The following HHIPL1 variants were observed in gnomAD, a reference collection of about 807,000 sequenced individuals.
HHIPL1 encodes HHIP-like protein 1.
In HHIPL1, 43 loss-of-function variants were observed where a neutral mutation model predicts 61.8. That is an observed-to-expected ratio of 0.70 (90% CI 0.55 to 0.90). The LOEUF (loss-of-function observed/expected upper bound fraction) is 0.90. Ranked by LOEUF, HHIPL1 falls within the 40% of genes least tolerant of loss-of-function variation. HHIPL1 has a pLI of 0.00. For synonymous variants in HHIPL1, 482 were observed against 515.8 expected (o/e 0.93, Z 0.89); for missense variants, 1,056 against 1,157.7 (o/e 0.91, Z 1.28).
chr14:99,668,263 G>A lies in HHIPL1; in HGVS notation c.1690G>A (p.Ala564Thr), dbSNP rs1253486233. The A allele has an allele frequency of 6.2e-7, 1 of 1,612,516 alleles. No individual in the cohort carries two copies. The highest frequency in any genetic ancestry group is 8.5e-7 in the Non-Finnish European group (1 of 1,178,688). The change falls in exon 7 of 9, where the codon GCT (alanine) becomes ACT (threonine). Residue 564 changes from alanine to threonine, a missense_variant. Coordinates refer to ENST00000330710, the MANE Select transcript of HHIPL1 (RefSeq NM_001127258.3). This position sits in a 1 kb window ranked among gnomAD's most constrained non-coding sequence, Gnocchi z 4.7. ...GTCGACAGGGGAGCCGAGTGCCACA[G>A]CTCCACGCGGAGTTGTCTACAAAAT... ...FMSTGEPSAT[A>T]PRGVVYKIID...
chr14:99,631,200 G>A, the HHIPL1 span, among the ~76,000 whole-genome samples: 1 of 150,668 alleles, frequency 6.6e-6, no homozygotes, highest in Admixed American at 6.6e-5. Flanking sequence ...TGGATTCAAG[G>A]AATTCTCCTA....
At position 99,668,289 on chromosome 14, in the gene HHIPL1, A is replaced by G; in HGVS notation, c.1716A>G (p.Ile572Met). ...CTCCACGCGGAGTTGTCTACAAAAT[A>G]ATTGACGCATCCAGGTGAGTCCCAG... ...ATAPRGVVYK[I>M]IDASRRAPPG... Residue 572 changes from isoleucine to methionine, a missense_variant, in exon 7 of 9, where the codon ATA becomes ATG. Physicochemically the swap from Ile to Met is conservative, Grantham distance 10. Coordinates refer to ENST00000330710, the MANE Select transcript of HHIPL1 (RefSeq NM_001127258.3). The surrounding 1 kb of genome is among the most constrained non-coding windows in gnomAD (Gnocchi z 4.7). 6.2e-7 allele frequency: 1 copy of G among 1,609,234 alleles called. No individual in the cohort carries two copies. Among genetic ancestry groups the G allele is most frequent in the Non-Finnish European group, 8.5e-7 (1 of 1,175,710 alleles).
rs189930668 is a variant in HHIPL1, at chr14:99,656,317, T to A, written c.903-683T>A. On this transcript the variant is annotated intron_variant, in intron 2 of 8. Transcript: ENST00000330710. The stretch of plus-strand genomic sequence containing the variant: ...AAACACTAGGCCAGAACGAGAAGAC[T>A]TGAGTTCTAATCCCAGCTCTGCTAC... 3.3e-5 allele frequency among the ~76,000 whole-genome samples: 5 copies of A among 152,218 alleles called. No individual in the cohort carries two copies. The East Asian group carries it at 7.7e-4, about 24-fold the overall frequency.
the HHIPL1 span, among the ~76,000 whole-genome samples, chr14:99,637,242 AAG>A: frequency 1.4e-5 from 2 of 147,908 alleles, no homozygotes; most frequent in South Asian, 2.1e-4. Flanking sequence ...GAAAGAAAGA[AAG>A]AAAGAAAGAA....
rs1208978380 is a variant in HHIPL1 at position 99,675,385 on chromosome 14, C to T, written c.2108C>T (p.Ser703Phe). 2 of 1,524,442 alleles carry T rather than the reference C, an allele frequency of 1.3e-6. No homozygotes were observed. The highest frequency in any genetic ancestry group is 8.8e-7 in the Non-Finnish European group (1 of 1,139,106). The allele number at this position is 1,524,442 out of a possible 1,614,324, so 94.4% of individuals were successfully genotyped here. A position where few individuals can be genotyped will look rare whatever the true frequency, so the allele number is the denominator to read the frequency against. The change falls in exon 9 of 9, where the codon TCC becomes TTC. Residue 703 changes from serine to phenylalanine, a missense_variant. Coordinates refer to ENST00000330710, the MANE Select transcript of HHIPL1 (RefSeq NM_001127258.3). The surrounding 1 kb of genome is among the most constrained non-coding windows in gnomAD (Gnocchi z 5.4). ...CGCTGGGGCACCGTGTGCGACGACT[C>T]CTGGAACATCAGCGGCGCCGCCGTC... is the stretch of plus-strand genomic sequence containing the variant. ...GGRWGTVCDDSWNISGAAVVC... is the reference protein window; with the variant it reads ...GGRWGTVCDDFWNISGAAVVC...
the HHIPL1 span, among the ~76,000 whole-genome samples, chr14:99,614,942 G>A: frequency 6.6e-6 from 1 of 152,080 alleles, no homozygotes; most frequent in African/African-American, 2.4e-5. Flanking sequence ...CATAAAAAGG[G>A]CCAGAAGAGA....
At chr14:99,634,547 G>A in the HHIPL1 span, among the ~76,000 whole-genome samples, 2 of 152,228 alleles carry the variant, frequency 1.3e-5, no homozygotes, top group South Asian at 4.1e-4. Flanking sequence ...ACCCTAAGCA[G>A]CCCCAGCTCC....
At chr14:99,673,792 GT>G (rs2056353971) in intron 8 of HHIPL1, among the ~76,000 whole-genome samples, 1 of 72,708 alleles carries the variant, frequency 1.4e-5, no homozygotes, top group Non-Finnish European at 2.9e-5. Context: ...ATTAAGGGGG[GT>G]GGCATGGAGG....
chr14:99,644,993 T>C, upstream of HHIPL1: 1 of 401,966 alleles, frequency 2.5e-6, no homozygotes, highest in Non-Finnish European at 4.3e-6. Context: ...GGAAAGCGGT[T>C]AAAAGAGGTC....
upstream of HHIPL1, among the ~76,000 whole-genome samples, chr14:99,644,029 C>T (rs1050765771): frequency 1.5e-4 from 23 of 152,182 alleles, no homozygotes; most frequent in Non-Finnish European, 2.4e-4. Flanking sequence ...TTAAATTCCC[C>T]GTGTTTCAAA....
chr14:99,608,554 G>A, the HHIPL1 span, among the ~76,000 whole-genome samples: 4 of 152,200 alleles, frequency 2.6e-5, no homozygotes, highest in African/African-American at 9.7e-5. Context: ...AAAGTGTTTG[G>A]TGGTAGCTGA....
At chr14:99,623,162 C>T in the HHIPL1 span, among the ~76,000 whole-genome samples, 2 of 152,228 alleles carry the variant, frequency 1.3e-5, no homozygotes, top group Non-Finnish European at 2.9e-5. Context: ...CTAAGTTCCC[C>T]ACAGCCCTGC....
At chr14:99,674,994 G>A in intron 8 of HHIPL1, 97 bp from the exon 9 acceptor site, 2 of 609,160 alleles carry the variant, frequency 3.3e-6, no homozygotes, top group Non-Finnish European at 2.1e-6. Context: ...CCCCGAGTCT[G>A]CGCTCTCCGC....
intron 7 of HHIPL1, chr14:99,669,402 C>T (rs766596947): frequency 6.7e-6 from 6 of 890,000 alleles, no homozygotes; most frequent in African/African-American, 3.6e-5. Context: ...GGTTGCACTC[C>T]GAGAATCCAC....
At position 99,676,676 on chromosome 14, in the gene HHIPL1, T is replaced by C. The variant is rs527263328; in HGVS notation, c.*1050T>C. ...AATAATGTGGCTGTTTACACACCAC[T>C]TTCCTGCCTCCTCTCTGACCTGCAC... On this transcript the variant is annotated 3_prime_UTR_variant, in exon 9 of 9. Transcript: ENST00000330710. 1 of 152,372 alleles carries C rather than the reference T, an allele frequency of 6.6e-6. No homozygotes were observed. Among genetic ancestry groups the C allele is most frequent in the African/African-American group, 2.4e-5 (1 of 41,576 alleles). The allele number at this position is 152,372 out of a possible 1,614,324, so 9.4% of individuals were successfully genotyped here.
the HHIPL1 span, among the ~76,000 whole-genome samples, chr14:99,634,940 C>G: frequency 6.6e-6 from 1 of 152,182 alleles, no homozygotes; most frequent in Admixed American, 6.5e-5. Flanking sequence ...AATGAGCCCC[C>G]CATCTCCTTC....
At chr14:99,664,491 CCG>C (rs59885041) in intron 6 of HHIPL1, among the ~76,000 whole-genome samples, 8,903 of 151,556 alleles carry the variant, frequency 0.059, 625 homozygotes, top group African/African-American at 0.17. Flanking sequence ...TGAGTGACAC[CCG>C]AGTGTGGAAA....
chr14:99,610,396 G>T, the HHIPL1 span, among the ~76,000 whole-genome samples: 3 of 152,244 alleles, frequency 2.0e-5, no homozygotes, highest in Non-Finnish European at 2.9e-5. Flanking sequence ...CCCGACCCAA[G>T]GGTATCTGGG....
At chr14:99,658,417 G>A (rs528766326) in intron 3 of HHIPL1, among the ~76,000 whole-genome samples, 1 of 152,236 alleles carries the variant, frequency 6.6e-6, no homozygotes, top group East Asian at 1.9e-4. Context: ...TGATCACAAG[G>A]CATATATCGG....
Sources: allele counts gnomAD v4.1 joint callset (sites outside exome capture counted in the v4.1 genomes callset), GRCh38; gene constraint gnomAD v4.1.1; non-coding constraint Gnocchi (gnomAD v3.1); transcripts MANE v1.5; gene names NCBI Gene and HGNC (gene_info 2026-07-23, HGNC 2026-07-21).